The following UNC5D variants were observed in gnomAD, a reference collection of about 807,000 sequenced individuals.
UNC5D encodes the protein unc-5 netrin receptor D.
A neutral mutation model predicts 105.4 loss-of-function variants in UNC5D; 39 were observed. That is an observed-to-expected ratio of 0.37 (90% CI 0.29 to 0.48). UNC5D has a LOEUF of 0.48. Among genes scored for constraint, UNC5D ranks in the 20% least tolerant of loss-of-function variants. The pLI is 0.98. For missense variants in UNC5D, 991 were observed against 1,202.4 expected (o/e 0.82, Z 2.60); for synonymous variants, 452 against 450.4 (o/e 1.00, Z -0.04).
chr8:35,260,766 T>A (rs532554547), intron 1 of UNC5D, among the ~76,000 whole-genome samples: 1 of 152,286 alleles, frequency 6.6e-6, no homozygotes, highest in Non-Finnish European at 1.5e-5. Context: ...ACTTGAACAA[T>A]GGCGTAGGGA....
intron 1 of UNC5D, among the ~76,000 whole-genome samples, chr8:35,248,822 A>T (rs1803421823): frequency 1.1e-5 from 1 of 93,536 alleles, no homozygotes; most frequent in African/African-American, 4.9e-5. Flanking sequence ...AATATATATA[A>T]TATTTATATT....
At chr8:35,421,156 A>G (rs953017145) in intron 1 of UNC5D, among the ~76,000 whole-genome samples, 3 of 152,208 alleles carry the variant, frequency 2.0e-5, no homozygotes, top group Non-Finnish European at 4.4e-5. Context: ...ACCTTTATCT[A>G]AACGTGCCTC....
chr8:35,500,428 A>G (rs907222591), intron 1 of UNC5D, among the ~76,000 whole-genome samples: 2 of 152,310 alleles, frequency 1.3e-5, no homozygotes, highest in South Asian at 2.1e-4. Flanking sequence ...TGGGGGCTAC[A>G]TTTAACCTGT....
chr8:35,311,119 T>C (rs936138663), intron 1 of UNC5D, among the ~76,000 whole-genome samples: 1 of 152,008 alleles, frequency 6.6e-6, no homozygotes, highest in African/African-American at 2.4e-5. Flanking sequence ...CTAATACAAT[T>C]TCATAAAAGG....
At chr8:35,280,375 T>G (rs1806065419) in intron 1 of UNC5D, among the ~76,000 whole-genome samples, 1 of 152,210 alleles carries the variant, frequency 6.6e-6, no homozygotes, top group Non-Finnish European at 1.5e-5. Context: ...AGTAGTGAGA[T>G]CGTGGTATTT....
intron 1 of UNC5D, among the ~76,000 whole-genome samples, chr8:35,548,617 ACTGGCTATAAG>A (rs571469998): frequency 1.9e-3 from 287 of 152,328 alleles, no homozygotes; most frequent in Non-Finnish European, 3.3e-3. Flanking sequence ...AATTATAACT[ACTGGCTATAAG>A]CTCAGAGCTA....
rs750905410 is a variant in UNC5D at position 35,290,517 on chromosome 8, T to G, written c.103+54630T>G. 3.0e-4 allele frequency among the ~76,000 whole-genome samples: 46 copies of G among 152,082 alleles called. 1 individual carries two copies. The highest frequency in any genetic ancestry group is 4.1e-4 in the Non-Finnish European group (28 of 67,996). On this transcript the variant is annotated intron_variant, in intron 1 of 16. Transcript: ENST00000404895. ...GAGGGAGGGAATGAGAAGTTGTTAA[T>G]CAAAGGTTACCAAGTTTCTAATAGA...
chr8:35,380,992 C>A (rs1554863), intron 1 of UNC5D, among the ~76,000 whole-genome samples: 134,219 of 151,542 alleles, frequency 0.89, 59,505 homozygotes, highest in East Asian at 1. Flanking sequence ...ATTGTTTTAA[C>A]TTCTGTGGAT....
At chr8:35,554,645 A>G (rs1816404691) in intron 2 of UNC5D, among the ~76,000 whole-genome samples, 1 of 152,234 alleles carries the variant, frequency 6.6e-6, no homozygotes, top group Admixed American at 6.5e-5. Flanking sequence ...TTGGCAATCA[A>G]GATTATGTGG....
At chr8:35,437,782 G>A (rs1206959050) in intron 1 of UNC5D, among the ~76,000 whole-genome samples, 1 of 151,848 alleles carries the variant, frequency 6.6e-6, no homozygotes, top group Non-Finnish European at 1.5e-5. Context: ...TCCCTTTTGT[G>A]AGTACCTTTT....
intron 1 of UNC5D, among the ~76,000 whole-genome samples, chr8:35,267,649 G>A (rs1326470625): frequency 6.6e-6 from 1 of 152,132 alleles, no homozygotes; most frequent in East Asian, 1.9e-4. Flanking sequence ...ATGTTGGCCA[G>A]GCTGGTCTTG....
chr8:35,297,337 T>G (rs1807569171), intron 1 of UNC5D, among the ~76,000 whole-genome samples: 1 of 152,200 alleles, frequency 6.6e-6, no homozygotes, highest in Non-Finnish European at 1.5e-5. Flanking sequence ...TTCCTATTTT[T>G]TCAATAAATT....
intron 3 of UNC5D, among the ~76,000 whole-genome samples, chr8:35,591,936 G>A (rs1407818615): frequency 6.6e-6 from 1 of 152,154 alleles, no homozygotes; most frequent in Non-Finnish European, 1.5e-5. Flanking sequence ...GAAGGGTATG[G>A]AGCTCCTTTG....
At chr8:35,405,228 C>T (rs1037462512) in intron 1 of UNC5D, among the ~76,000 whole-genome samples, 6 of 152,120 alleles carry the variant, frequency 3.9e-5, no homozygotes, top group African/African-American at 1.2e-4. Context: ...GGAGGAGCAA[C>T]GAGAAACTCA....
intron 1 of UNC5D, among the ~76,000 whole-genome samples, chr8:35,483,156 T>C (rs1810602189): frequency 6.6e-6 from 1 of 151,942 alleles, no homozygotes; most frequent in South Asian, 2.1e-4. Flanking sequence ...TTAGAGAGAC[T>C]CTGGGCATTG....
At chr8:35,755,470 T>TTGTGTGTGTG (rs1174658022) in intron 13 of UNC5D, among the ~76,000 whole-genome samples, 4 of 139,758 alleles carry the variant, frequency 2.9e-5, no homozygotes, top group African/African-American at 1.3e-4. Flanking sequence ...GCGACATAAT[T>TTGTGTGTGTG]TGTGTGTATG....
At chr8:35,724,617 G>A (rs551081424) in intron 9 of UNC5D, among the ~76,000 whole-genome samples, 2 of 152,274 alleles carry the variant, frequency 1.3e-5, no homozygotes, top group African/African-American at 4.8e-5. Flanking sequence ...CCGCTCAAGT[G>A]CTGTCTCACT....
chr8:35,595,408 T>A (rs1819429172), intron 3 of UNC5D, 146 bp from the exon 4 acceptor site: 3 of 674,840 alleles, frequency 4.4e-6, no homozygotes, highest in Non-Finnish European at 7.8e-6. Flanking sequence ...ACGATTCTCT[T>A]ATTCTAGAAT....
intron 1 of UNC5D, among the ~76,000 whole-genome samples, chr8:35,309,860 G>A (rs1464855788): frequency 6.6e-6 from 1 of 152,112 alleles, no homozygotes; most frequent in East Asian, 1.9e-4. Flanking sequence ...AGAATTCCAG[G>A]CAATCCTGTT....
Sources: allele counts gnomAD v4.1 joint callset (sites outside exome capture counted in the v4.1 genomes callset), GRCh38; gene constraint gnomAD v4.1.1; transcripts MANE v1.5; gene names NCBI Gene and HGNC (gene_info 2026-07-23, HGNC 2026-07-21).